The following KIF18A variants were observed in gnomAD, a reference collection of about 807,000 sequenced individuals.
The protein encoded by KIF18A is kinesin family member 18A, also known as kinesin-like protein KIF18A.
In KIF18A, 67 loss-of-function variants were observed where a neutral mutation model predicts 103.3. That is an observed-to-expected ratio of 0.65 (90% CI 0.53 to 0.79). The LOEUF (loss-of-function observed/expected upper bound fraction) is 0.79. Ranked by LOEUF, KIF18A falls within the 30% of genes least tolerant of loss-of-function variation. The pLI is 0.00. For missense variants in KIF18A, 1,032 were observed against 1,062.5 expected (o/e 0.97, Z 0.40); for synonymous variants, 367 against 355.5 (o/e 1.03, Z -0.36).
intron 3 of KIF18A, among the ~76,000 whole-genome samples, chr11:28,093,555 G>C (rs1473065713): frequency 2.0e-5 from 3 of 152,072 alleles, no homozygotes; most frequent in Admixed American, 1.3e-4. Context: ...AGGGTAGAAG[G>C]CCTCAAAGAA....
intron 1 of KIF18A, among the ~76,000 whole-genome samples, chr11:28,099,585 T>C (rs539892558): frequency 6.6e-6 from 1 of 152,286 alleles, no homozygotes; most frequent in South Asian, 2.1e-4. Context: ...TACACATTTT[T>C]TTTGTCATTT....
At chr11:28,024,262 A>C (rs1224673265) in intron 15 of KIF18A, among the ~76,000 whole-genome samples, 3 of 151,980 alleles carry the variant, frequency 2.0e-5, no homozygotes, top group South Asian at 2.1e-4. Context: ...GAAAGGTATA[A>C]ACAAGTGAGA....
chr11:28,094,517 T>C (rs1050180893), intron 3 of KIF18A, 126 bp downstream of exon 3: 3 of 749,842 alleles, frequency 4.0e-6, no homozygotes, highest in African/African-American at 3.6e-5. Flanking sequence ...GCATAACAAA[T>C]ATTCAAGACA....
intron 6 of KIF18A, among the ~76,000 whole-genome samples, chr11:28,087,338 T>C (rs2133556840): frequency 6.6e-6 from 1 of 152,288 alleles, no homozygotes; most frequent in East Asian, 1.9e-4. Flanking sequence ...CTATGCAGTG[T>C]TTGGTTTTCT....
chr11:28,088,297 C>T lies in KIF18A; in HGVS notation c.897+227G>A, dbSNP rs185206378. Among the ~76,000 whole-genome samples, 13 of 152,102 alleles carry T rather than the reference C, an allele frequency of 8.5e-5. No homozygotes were observed. In the East Asian group the frequency reaches 1.2e-3, roughly 14 times the overall value. ...TTAACTATCAATCTGGTATTCATTA[C>T]TTTCTATTTAACCAATTCTCATTAT... On this transcript the variant is annotated intron_variant, in intron 6 of 16. Coordinates refer to ENST00000263181, the MANE Select transcript of KIF18A (RefSeq NM_031217.4).
intron 11 of KIF18A, among the ~76,000 whole-genome samples, chr11:28,068,701 G>A (rs755850715): frequency 1.1e-4 from 17 of 152,016 alleles, no homozygotes; most frequent in Non-Finnish European, 2.4e-4. Context: ...CGACAAGCAC[G>A]ATAATGACAT....
intron 13 of KIF18A, among the ~76,000 whole-genome samples, chr11:28,051,871 G>A (rs1850716302): frequency 6.6e-6 from 1 of 151,902 alleles, no homozygotes; most frequent in African/African-American, 2.4e-5. Flanking sequence ...ATGTATCTTA[G>A]ACAAATTTAA....
intron 12 of KIF18A, among the ~76,000 whole-genome samples, chr11:28,061,510 T>C (rs1169188558): frequency 6.6e-6 from 1 of 152,142 alleles, no homozygotes; most frequent in Non-Finnish European, 1.5e-5. Flanking sequence ...TTATTGTTTC[T>C]TGATGACTTC....
At chr11:28,060,577 C>A (rs1406174116) in intron 12 of KIF18A, among the ~76,000 whole-genome samples, 1 of 152,074 alleles carries the variant, frequency 6.6e-6, no homozygotes, top group East Asian at 1.9e-4. Flanking sequence ...AGGTACTGTG[C>A]AGGAAAGTTA....
At chr11:28,097,268 AATAG>A (rs1490373136) in intron 2 of KIF18A, 2 of 180,876 alleles carry the variant, frequency 1.1e-5, no homozygotes, top group East Asian at 3.1e-4. Context: ...ACTCTCCAGG[AATAG>A]ATAATTACAT....
chr11:28,088,609 T>G lies in KIF18A; in HGVS notation c.812A>C (p.Lys271Thr). Residue 271 changes from lysine (K) to threonine (T), a missense_variant, in exon 6 of 17, where the codon AAG becomes ACG. Lys to Thr is a moderately conservative substitution (Grantham distance 78, BLOSUM62 -1). Transcript: ENST00000263181. ...TGTGCCTTCTACAAATCGGGTCCCC[T>G]TAGCACCGGAAGTACTTGCTCGCTC... Reference protein sequence around the residue: ...GSERASTSGAKGTRFVEGTNI... With the variant: ...GSERASTSGATGTRFVEGTNI... The G allele has an allele frequency of 1.2e-6, 2 of 1,614,058 alleles. No individual in the cohort carries two copies. The highest frequency in any genetic ancestry group is 1.7e-6 in the Non-Finnish European group (2 of 1,179,948).
chr11:28,088,390 A>G, intron 6 of KIF18A, 134 bp downstream of exon 6: 4 of 702,078 alleles, frequency 5.7e-6, no homozygotes, highest in Non-Finnish European at 4.8e-6. Flanking sequence ...TCTTTGATCT[A>G]TATATTAACA....
intron 6 of KIF18A, among the ~76,000 whole-genome samples, chr11:28,087,044 GT>G (rs1363796187): frequency 6.6e-6 from 1 of 151,656 alleles, no homozygotes; most frequent in Admixed American, 6.6e-5. Context: ...ATTTTGAACA[GT>G]TTAACAAGCC....
chr11:28,036,161 A>G (rs937223744), intron 14 of KIF18A, 56 bp downstream of exon 14: 14 of 1,133,948 alleles, frequency 1.2e-5, no homozygotes, highest in Non-Finnish European at 1.6e-5. Flanking sequence ...AACCTCAACT[A>G]ATAGTTGAAA....
intron 16 of KIF18A, among the ~76,000 whole-genome samples, chr11:28,022,174 A>G (rs1850254705): frequency 6.6e-6 from 1 of 151,596 alleles, no homozygotes; most frequent in South Asian, 2.1e-4. Context: ...CATAGTAGAT[A>G]TTTTTACTCA....
At chr11:28,074,714 T>C (rs1009460799) in intron 10 of KIF18A, among the ~76,000 whole-genome samples, 3 of 152,074 alleles carry the variant, frequency 2.0e-5, no homozygotes, top group Admixed American at 6.6e-5. Flanking sequence ...TTCTGGACAT[T>C]AAGAAATGCA....
At chr11:28,047,356 G>T (rs1315812281) in intron 13 of KIF18A, among the ~76,000 whole-genome samples, 1 of 151,902 alleles carries the variant, frequency 6.6e-6, no homozygotes, top group East Asian at 1.9e-4. Flanking sequence ...GCAAGATAAG[G>T]CCTTACGTAC....
intron 12 of KIF18A, 84 bp from the exon 13 acceptor site, chr11:28,059,245 G>T: frequency 1.1e-6 from 1 of 890,048 alleles, no homozygotes; most frequent in Non-Finnish European, 1.8e-6. Flanking sequence ...AACACCCAAA[G>T]CATTAGCATA....
At chr11:28,055,957 T>C (rs945577394) in intron 13 of KIF18A, among the ~76,000 whole-genome samples, 7 of 152,102 alleles carry the variant, frequency 4.6e-5, no homozygotes, top group African/African-American at 1.7e-4. Context: ...ATACTAAAAT[T>C]CATGGATGCT....
Sources: gnomAD v4.1 joint callset for allele counts (sites outside exome capture counted in the v4.1 genomes callset) on GRCh38, gnomAD v4.1.1 for gene constraint, MANE v1.5 for transcripts, NCBI Gene and HGNC (gene_info 2026-07-23, HGNC 2026-07-21) for gene names.